Variants in HIP1 observed in about 807,000 individuals in gnomAD.
HIP1 encodes huntingtin-interacting protein 1.
Under a neutral mutation model 147.6 loss-of-function variants are expected in HIP1, and 65 were observed. That is an observed-to-expected ratio of 0.44 (90% CI 0.36 to 0.54). HIP1 has a LOEUF of 0.54. Ranked by LOEUF, HIP1 falls within the 20% of genes least tolerant of loss-of-function variation. The pLI, the probability that HIP1 is intolerant of heterozygous loss-of-function variation, is 0.00. For missense variants in HIP1, 1,061 were observed against 1,299.6 expected, an observed-to-expected ratio of 0.82 and a Z score of 2.82; for synonymous variants, 479 against 504.0, an observed-to-expected ratio of 0.95 and a Z score of 0.67.
chr7:75,601,998 CT>C (rs782403734), intron 1 of HIP1, among the ~76,000 whole-genome samples: 2,392 of 142,340 alleles, frequency 0.017, 61 homozygotes, highest in African/African-American at 0.055. Context: ...GAAATAAAAA[CT>C]TTTTTTTTTT....
chr7:75,552,294 A>G (rs1367529296), intron 22 of HIP1, among the ~76,000 whole-genome samples: 1 of 152,192 alleles, frequency 6.6e-6, no homozygotes, highest in African/African-American at 2.4e-5. Context: ...TCTTTTCCAT[A>G]GAGTCCATGT....
At chr7:75,615,089 T>C (rs1442926184) in intron 1 of HIP1, among the ~76,000 whole-genome samples, 1 of 151,996 alleles carries the variant, frequency 6.6e-6, no homozygotes, top group Non-Finnish European at 1.5e-5. Context: ...CTGATTTTAC[T>C]GAATACCTAC....
At chr7:75,647,211 C>CAAAAAAAAAAAAAAAAAAAAAAAAAAAA (rs60972195) in intron 1 of HIP1, among the ~76,000 whole-genome samples, 1 of 57,992 alleles carries the variant, frequency 1.7e-5, no homozygotes, top group Non-Finnish European at 3.0e-5. Flanking sequence ...ACTAAAAATA[C>CAAAAAAAAAAAAAAAAAAAAAAAAAAAA]AAAAAAAAAA....
At chr7:75,601,763 C>T (rs901996951) in intron 1 of HIP1, among the ~76,000 whole-genome samples, 5 of 152,220 alleles carry the variant, frequency 3.3e-5, no homozygotes, top group Admixed American at 6.5e-5. Flanking sequence ...GGAGACCATG[C>T]GGCCTGCAAA....
At chr7:75,674,398 G>T (rs1554515707) in intron 1 of HIP1, among the ~76,000 whole-genome samples, 1 of 152,074 alleles carries the variant, frequency 6.6e-6, no homozygotes, top group Non-Finnish European at 1.5e-5. Flanking sequence ...ACTCATTTTT[G>T]AAGGATAGTT....
At chr7:75,643,253 T>C (rs924986408) in intron 1 of HIP1, among the ~76,000 whole-genome samples, 4 of 152,258 alleles carry the variant, frequency 2.6e-5, no homozygotes, top group African/African-American at 9.6e-5. Flanking sequence ...TATGTTACTA[T>C]GCTAATGCTA....
chr7:75,607,410 G>A (rs1554504028), intron 1 of HIP1, among the ~76,000 whole-genome samples: 1 of 150,646 alleles, frequency 6.6e-6, no homozygotes, highest in African/African-American at 2.4e-5. Flanking sequence ...TGTATTTTTA[G>A]TAGAGATGGG....
chr7:75,685,844 C>T (rs1287494332), intron 1 of HIP1, among the ~76,000 whole-genome samples: 3 of 152,048 alleles, frequency 2.0e-5, no homozygotes, highest in African/African-American at 2.4e-5. Context: ...CCACTGCGCC[C>T]GGCCTGTCAG....
chr7:75,682,312 A>G (rs921680579), intron 1 of HIP1, among the ~76,000 whole-genome samples: 1 of 151,772 alleles, frequency 6.6e-6, no homozygotes, highest in African/African-American at 2.4e-5. Context: ...GTTGAAGTGC[A>G]GTGGTGCGAT....
At chr7:75,693,946 G>C (rs1343286338) in intron 1 of HIP1, among the ~76,000 whole-genome samples, 4 of 101,518 alleles carry the variant, frequency 3.9e-5, no homozygotes, top group African/African-American at 1.6e-4. Flanking sequence ...TTGAGATGGA[G>C]TCTTGTTCTG....
chr7:75,667,455 T>C (rs1322828498), intron 1 of HIP1, among the ~76,000 whole-genome samples: 1 of 152,228 alleles, frequency 6.6e-6, no homozygotes, highest in Non-Finnish European at 1.5e-5. Flanking sequence ...AAAAATTCTA[T>C]AAACCAAACT....
chr7:75,663,965 T>TACAC (rs1563278006), intron 1 of HIP1, among the ~76,000 whole-genome samples: 1 of 22,810 alleles, frequency 4.4e-5, no homozygotes. Context: ...TATGTGTATA[T>TACAC]ATATATACAC....
intron 1 of HIP1, among the ~76,000 whole-genome samples, chr7:75,624,898 C>G (rs1797981552): frequency 6.6e-6 from 1 of 151,824 alleles, no homozygotes; most frequent in Non-Finnish European, 1.5e-5. Flanking sequence ...AATCTATATT[C>G]ATCCCTCTGT....
At chr7:75,577,352 A>C (rs1372429363) in intron 7 of HIP1, among the ~76,000 whole-genome samples, 1 of 147,762 alleles carries the variant, frequency 6.8e-6, no homozygotes, top group African/African-American at 2.5e-5. Context: ...AAAACGAGAG[A>C]GAGAGAAAAG....
chr7:75,664,055 TACACATATATGTGTATATAC>T (rs1554514125), intron 1 of HIP1, among the ~76,000 whole-genome samples: 31 of 86,748 alleles, frequency 3.6e-4, no homozygotes, highest in South Asian at 2.7e-3. Flanking sequence ...TATGTGTATA[TACACATATATGTGTATATAC>T]ACACACATAT....
chr7:75,596,402 T>A (rs1398137102), intron 2 of HIP1, among the ~76,000 whole-genome samples: 1 of 152,174 alleles, frequency 6.6e-6, no homozygotes, highest in African/African-American at 2.4e-5. Context: ...CTTTTTCTTT[T>A]TGAAACAGAG....
At chr7:75,605,126 G>A (rs1408730172) in intron 1 of HIP1, among the ~76,000 whole-genome samples, 1 of 152,152 alleles carries the variant, frequency 6.6e-6, no homozygotes, top group Non-Finnish European at 1.5e-5. Flanking sequence ...ATGCCTCATA[G>A]GAACTCTGGG....
chr7:75,542,006 T>G (rs781797433), intron 28 of HIP1, 26 bp from the exon 29 acceptor site: 3 of 1,601,654 alleles, frequency 1.9e-6, no homozygotes, highest in Non-Finnish European at 2.6e-6. Context: ...CAAGAAGGTC[T>G]CATCAAATTC....
chr7:75,702,452 C>G (rs1016045870), intron 1 of HIP1, among the ~76,000 whole-genome samples: 3 of 152,190 alleles, frequency 2.0e-5, no homozygotes, highest in African/African-American at 7.2e-5. Flanking sequence ...CCACGTTGGC[C>G]AGGCTGGCCT....
Sources: gnomAD v4.1 joint callset for allele counts (sites outside exome capture counted in the v4.1 genomes callset) on GRCh38, gnomAD v4.1.1 for gene constraint, MANE v1.5 for transcripts, NCBI Gene and HGNC (gene_info 2026-07-23, HGNC 2026-07-21) for gene names.